DIAPH3: variants seen among roughly 807,000 people sequenced by gnomAD.
DIAPH3 encodes diaphanous related formin 3.
A neutral mutation model predicts 144.3 loss-of-function variants in DIAPH3; 117 were observed. The ratio of observed to expected loss-of-function variants is 0.81; its 90% CI spans 0.70 to 0.95. The LOEUF (loss-of-function observed/expected upper bound fraction) is 0.95, where lower values mean the gene tolerates loss of function less well. Ranked by LOEUF, DIAPH3 falls within the 40% of genes least tolerant of loss-of-function variation. The probability of loss-of-function intolerance (pLI) is 0.00; values close to 1 mark genes in which losing one functional copy is unlikely to be tolerated. For synonymous variants in DIAPH3, 519 were observed against 488.9 expected (o/e 1.06, Z -0.81); for missense variants, 1,421 against 1,412.7 (o/e 1.01, Z -0.09).
In DIAPH3 at chr13:59,908,889, C is replaced by T. The variant is rs139239766; in HGVS notation, c.2367+2846G>A. 3.4e-3 allele frequency among the ~76,000 whole-genome samples: 522 copies of T among 152,132 alleles called. 4 individuals carry two copies. Among genetic ancestry groups the T allele is most frequent in the African/African-American group, 0.012 (500 of 41,512 alleles). On this transcript the variant is annotated intron_variant, in intron 20 of 27. Coordinates refer to ENST00000400324, the MANE Select transcript of DIAPH3 (RefSeq NM_001042517.2). ...AACAAATGAAAAGTCAAGCTTTGGT[C>T]CTATTTGGAGCTGGGAAAGCACTAA...
chr13:59,895,810 G>T (rs1448893259), intron 20 of DIAPH3, among the ~76,000 whole-genome samples: 1 of 152,180 alleles, frequency 6.6e-6, no homozygotes, highest in Non-Finnish European at 1.5e-5. Flanking sequence ...AGAATAATGA[G>T]CCAGACGAGG....
intron 17 of DIAPH3, among the ~76,000 whole-genome samples, chr13:59,953,016 T>C (rs1004201845): frequency 6.6e-6 from 1 of 151,934 alleles, no homozygotes; most frequent in African/African-American, 2.4e-5. Context: ...TAACAGTATG[T>C]TAGAAGGAGA....
intron 14 of DIAPH3, among the ~76,000 whole-genome samples, chr13:59,978,848 T>G (rs1361103955): frequency 6.6e-6 from 1 of 151,758 alleles, no homozygotes; most frequent in Non-Finnish European, 1.5e-5. Context: ...AGGCTCTGCT[T>G]AATTTCATTC....
intron 17 of DIAPH3, among the ~76,000 whole-genome samples, chr13:59,925,868 G>T (rs942252269): frequency 6.6e-6 from 1 of 152,004 alleles, no homozygotes; most frequent in Non-Finnish European, 1.5e-5. Flanking sequence ...GGTATCAGTT[G>T]TAATATCTCC....
In DIAPH3 at chr13:59,938,532, C is replaced by A. The variant is rs564150137; in HGVS notation, c.2075-13662G>T. 1.3e-3 allele frequency among the ~76,000 whole-genome samples: 192 copies of A among 151,966 alleles called. 1 individual carries two copies. Among genetic ancestry groups the A allele is most frequent in the African/African-American group, 4.4e-3 (181 of 41,442 alleles). ...GATGAAGTGGGAGGATCACTTGTGC[C>A]CAGGAGTTTGAGGCTGCAGTGAGCT... is the stretch of plus-strand genomic sequence containing the variant. On this transcript the variant is annotated intron_variant, in intron 17 of 27. Coordinates refer to ENST00000400324, the MANE Select transcript of DIAPH3 (RefSeq NM_001042517.2).
chr13:59,718,921 G>C (rs1330859801), intron 27 of DIAPH3, among the ~76,000 whole-genome samples: 3 of 150,834 alleles, frequency 2.0e-5, no homozygotes, highest in Non-Finnish European at 4.4e-5. Context: ...TCAAAATGTA[G>C]CCCCCCCCAC....
chr13:59,876,141 G>T (rs1032814518), intron 21 of DIAPH3, among the ~76,000 whole-genome samples: 15 of 152,080 alleles, frequency 9.9e-5, no homozygotes, highest in African/African-American at 3.6e-4. Context: ...AATATATATG[G>T]AATTCCTTGT....
chr13:59,901,671 GT>G (rs1247060198), intron 20 of DIAPH3, among the ~76,000 whole-genome samples: 5 of 152,196 alleles, frequency 3.3e-5, no homozygotes, highest in African/African-American at 9.7e-5. Context: ...CACAGTAGGT[GT>G]TCAATAAATA....
At chr13:59,928,300 A>G (rs535855398) in intron 17 of DIAPH3, among the ~76,000 whole-genome samples, 1 of 151,758 alleles carries the variant, frequency 6.6e-6, no homozygotes, top group East Asian at 1.9e-4. Context: ...TGATTTCTTT[A>G]TATTGTCTAC....
At chr13:59,983,748 A>G (rs748074480) in intron 13 of DIAPH3, 21 bp downstream of exon 13, 92 of 1,461,834 alleles carry the variant, frequency 6.3e-5, no homozygotes, top group Non-Finnish European at 8.3e-5. Flanking sequence ...AGATATTTCT[A>G]TTTAAATAAT....
intron 16 of DIAPH3, 129 bp from the exon 17 acceptor site, chr13:59,970,187 C>A: frequency 2.1e-6 from 1 of 469,784 alleles, no homozygotes; most frequent in African/African-American, 2.0e-5. Flanking sequence ...TAAGATTTTT[C>A]CCTGAAGTGT....
At chr13:59,762,696 A>G (rs563487821) in intron 27 of DIAPH3, among the ~76,000 whole-genome samples, 8 of 152,132 alleles carry the variant, frequency 5.3e-5, no homozygotes, top group Admixed American at 3.3e-4. Flanking sequence ...ACAAATGATC[A>G]TTCAGATTAA....
intron 3 of DIAPH3, among the ~76,000 whole-genome samples, chr13:60,104,809 T>A (rs1305184462): frequency 6.6e-6 from 1 of 151,992 alleles, no homozygotes; most frequent in Non-Finnish European, 1.5e-5. Context: ...TGCCAGTGAT[T>A]GGCCAGGCGC....
At chr13:59,944,611 G>A (rs1054967139) in intron 17 of DIAPH3, among the ~76,000 whole-genome samples, 2 of 152,068 alleles carry the variant, frequency 1.3e-5, no homozygotes, top group African/African-American at 4.8e-5. Flanking sequence ...GAATCGTAAG[G>A]ACTCAAATTT....
intron 13 of DIAPH3, 61 bp downstream of exon 13, chr13:59,983,708 T>C: frequency 8.5e-7 from 1 of 1,179,056 alleles, no homozygotes; most frequent in Non-Finnish European, 1.3e-6. Flanking sequence ...ACCAATGCCC[T>C]AGAGCTCATT....
At chr13:60,005,891 C>A (rs1243176827) in intron 9 of DIAPH3, among the ~76,000 whole-genome samples, 2 of 152,080 alleles carry the variant, frequency 1.3e-5, no homozygotes, top group Non-Finnish European at 2.9e-5. Context: ...AAACAGAATT[C>A]TTAATATTTA....
intron 2 of DIAPH3, among the ~76,000 whole-genome samples, chr13:60,131,005 G>A (rs530612368): frequency 5.9e-5 from 9 of 152,240 alleles, no homozygotes; most frequent in Admixed American, 1.3e-4. Flanking sequence ...GGTAAAGATC[G>A]TGGGTTGGCA....
At chr13:60,142,660 C>T (rs2138322505) in intron 1 of DIAPH3, among the ~76,000 whole-genome samples, 1 of 152,212 alleles carries the variant, frequency 6.6e-6, no homozygotes, top group South Asian at 2.1e-4. Flanking sequence ...GTTGCCCCTC[C>T]TCCAGCTCCT....
At chr13:59,914,969 T>C (rs1391701555) in intron 19 of DIAPH3, among the ~76,000 whole-genome samples, 1 of 152,190 alleles carries the variant, frequency 6.6e-6, no homozygotes, top group Non-Finnish European at 1.5e-5. Flanking sequence ...GAATGTACTT[T>C]GGACATGAAT....
Sources: allele counts gnomAD v4.1 joint callset (sites outside exome capture counted in the v4.1 genomes callset), GRCh38; gene constraint gnomAD v4.1.1; transcripts MANE v1.5; gene names NCBI Gene and HGNC (gene_info 2026-07-23, HGNC 2026-07-21).